ATXN2: variants seen among roughly 807,000 people sequenced by gnomAD.
ATXN2 encodes ataxin 2.
In ATXN2, 37 loss-of-function variants were observed where a neutral mutation model predicts 138.6. The ratio of observed to expected loss-of-function variants is 0.27; its 90% confidence interval spans 0.21 to 0.35. The LOEUF is 0.35. Ranked by LOEUF, ATXN2 falls within the 10% of genes least tolerant of loss-of-function variation. ATXN2 has a pLI of 1.00. For synonymous variants in ATXN2, 549 were observed against 543.7 expected (o/e 1.01, Z -0.13); for missense variants, 1,216 against 1,480.3 (o/e 0.82, Z 2.93).
intron 5 of ATXN2, among the ~76,000 whole-genome samples, chr12:111,542,509 C>T (rs1378777811): frequency 6.6e-6 from 1 of 152,160 alleles, no homozygotes; most frequent in Non-Finnish European, 1.5e-5. Context: ...TGCTTGTCAC[C>T]CAGCTGGAGT....
chr12:111,532,982 G>A (rs1056273612), intron 5 of ATXN2, among the ~76,000 whole-genome samples: 1 of 152,186 alleles, frequency 6.6e-6, no homozygotes, highest in Non-Finnish European at 1.5e-5. Flanking sequence ...TGGATTAGGA[G>A]TAGACAGAGT....
chr12:111,561,911 A>C (rs1489302465), intron 1 of ATXN2, among the ~76,000 whole-genome samples: 3 of 151,780 alleles, frequency 2.0e-5, no homozygotes, highest in Admixed American at 6.6e-5. Flanking sequence ...TCCTGGGTTC[A>C]AGCAATTCTC....
intron 6 of ATXN2, among the ~76,000 whole-genome samples, chr12:111,521,569 G>C (rs1316307738): frequency 6.6e-6 from 1 of 152,170 alleles, no homozygotes; most frequent in Admixed American, 6.5e-5. Context: ...ATGAAACGGT[G>C]AACAGGCAAT....
intron 5 of ATXN2, among the ~76,000 whole-genome samples, chr12:111,551,786 A>C (rs1882134879): frequency 1.3e-5 from 2 of 152,226 alleles, no homozygotes; most frequent in African/African-American, 2.4e-5. Flanking sequence ...TTTTCTCTAA[A>C]GTTCTAATTG....
intron 5 of ATXN2, among the ~76,000 whole-genome samples, chr12:111,527,132 C>T (rs1427325613): frequency 3.9e-5 from 6 of 152,204 alleles, no homozygotes; most frequent in Admixed American, 3.9e-4. Flanking sequence ...GAGTTAGACT[C>T]AGCTAAATAA....
intron 1 of ATXN2, among the ~76,000 whole-genome samples, chr12:111,586,995 G>A (rs1241973849): frequency 6.7e-6 from 1 of 149,454 alleles, no homozygotes. Flanking sequence ...CTCCAGACCA[G>A]AGGCTAAAGC....
At chr12:111,578,870 T>G (rs1274884790) in intron 1 of ATXN2, among the ~76,000 whole-genome samples, 1 of 152,004 alleles carries the variant, frequency 6.6e-6, no homozygotes, top group African/African-American at 2.4e-5. Flanking sequence ...GTGAGACCTC[T>G]TCTCTACTAA....
chr12:111,581,829 A>C (rs527748996), intron 1 of ATXN2: 2 of 392,280 alleles, frequency 5.1e-6, no homozygotes. Context: ...TCTGATTCCC[A>C]TGTACTCCAT....
intron 14 of ATXN2, among the ~76,000 whole-genome samples, chr12:111,505,096 T>C (rs552396801): frequency 6.6e-6 from 1 of 152,244 alleles, no homozygotes; most frequent in South Asian, 2.1e-4. Flanking sequence ...CAAGGTGTGG[T>C]GGTGCACACC....
chr12:111,567,671 G>A (rs189521851), intron 1 of ATXN2, among the ~76,000 whole-genome samples: 46 of 151,406 alleles, frequency 3.0e-4, no homozygotes, highest in African/African-American at 1.0e-3. Context: ...AAAATTAGCC[G>A]GGTATGGTGG....
chr12:111,578,732 G>A (rs1883821579), intron 1 of ATXN2, among the ~76,000 whole-genome samples: 1 of 152,106 alleles, frequency 6.6e-6, no homozygotes, highest in Non-Finnish European at 1.5e-5. Flanking sequence ...CTGGGCATTA[G>A]GGAAATGCAA....
At chr12:111,581,666 C>T in intron 1 of ATXN2, 1 of 718,146 alleles carries the variant, frequency 1.4e-6, no homozygotes, top group Non-Finnish European at 2.6e-6. Context: ...GATCAGGGCC[C>T]AGGCCTATGC....
At chr12:111,538,775 CT>C (rs1343438917) in intron 5 of ATXN2, among the ~76,000 whole-genome samples, 1 of 150,190 alleles carries the variant, frequency 6.7e-6, no homozygotes, top group Non-Finnish European at 1.5e-5. Flanking sequence ...TCAAAATCAA[CT>C]AAAAAATAAT....
intron 1 of ATXN2, chr12:111,581,252 T>C (rs1032509637): frequency 1.7e-5 from 6 of 349,174 alleles, no homozygotes; most frequent in Admixed American, 4.1e-5. Flanking sequence ...CTCAATTTCT[T>C]CACCCGTAAA....
At chr12:111,498,854 T>C (rs965702223) in intron 14 of ATXN2, among the ~76,000 whole-genome samples, 9 of 152,098 alleles carry the variant, frequency 5.9e-5, no homozygotes, top group East Asian at 1.9e-4. Context: ...AAAAAAGATA[T>C]AGATCAATGA....
chr12:111,553,060 C>T (rs1882202050), intron 3 of ATXN2, 83 bp from the exon 4 acceptor site: 3 of 861,234 alleles, frequency 3.5e-6, no homozygotes, highest in Non-Finnish European at 3.5e-6. Flanking sequence ...ACTTTTTATA[C>T]CTCATCAGGC....
intron 16 of ATXN2, 106 bp downstream of exon 16, chr12:111,486,655 C>G: frequency 1.1e-6 from 1 of 889,548 alleles, no homozygotes; most frequent in Non-Finnish European, 1.8e-6. Context: ...AAGGTTGGTT[C>G]AGCACACTAA....
At chr12:111,565,808 C>T (rs1882971553) in intron 1 of ATXN2, among the ~76,000 whole-genome samples, 2 of 152,126 alleles carry the variant, frequency 1.3e-5, no homozygotes, top group Admixed American at 6.6e-5. Flanking sequence ...CCAGCCTGGC[C>T]AACATCGTGA....
chr12:111,572,721 A>G (rs1250355159), intron 1 of ATXN2, among the ~76,000 whole-genome samples: 10 of 152,180 alleles, frequency 6.6e-5, no homozygotes, highest in Admixed American at 6.5e-4. Flanking sequence ...CTCAACTATT[A>G]TATTCCTTCC....
Sources: gnomAD v4.1 joint callset for allele counts (sites outside exome capture counted in the v4.1 genomes callset) on GRCh38, gnomAD v4.1.1 for gene constraint, MANE v1.5 for transcripts, NCBI Gene and HGNC (gene_info 2026-07-23, HGNC 2026-07-21) for gene names.